The following SLC1A2 variants were observed in gnomAD, a reference collection of about 807,000 sequenced individuals.
SLC1A2 encodes solute carrier family 1 member 2, also known as excitatory amino acid transporter 2.
A neutral mutation model predicts 48.8 loss-of-function variants in SLC1A2; 15 were observed. The observed-to-expected ratio is 0.31, with a 90% CI of 0.21 to 0.47. SLC1A2 has a LOEUF of 0.47. Ranked by LOEUF, SLC1A2 falls within the 20% of genes least tolerant of loss-of-function variation. The pLI is 0.99. For missense variants in SLC1A2, 502 were observed against 730.5 expected (o/e 0.69, Z 3.61); for synonymous variants, 279 against 272.6 (o/e 1.02, Z -0.23).
chr11:35,382,667 G>A (rs1018658823), intron 1 of SLC1A2, among the ~76,000 whole-genome samples: 2 of 152,118 alleles, frequency 1.3e-5, no homozygotes, highest in African/African-American at 2.4e-5. Flanking sequence ...GTGGTGGCAG[G>A]TGCCTGTAGC....
At chr11:35,386,279 T>C (rs1854581341) in intron 1 of SLC1A2, among the ~76,000 whole-genome samples, 1 of 152,226 alleles carries the variant, frequency 6.6e-6, no homozygotes, top group Admixed American at 6.5e-5. Flanking sequence ...GTTTGTTTTT[T>C]CCATGGAATA....
At chr11:35,402,484 C>T (rs548765429) in intron 1 of SLC1A2, among the ~76,000 whole-genome samples, 2 of 152,306 alleles carry the variant, frequency 1.3e-5, no homozygotes, top group East Asian at 3.9e-4. Flanking sequence ...GCATCTCTTT[C>T]ACTTGGCTGT....
intron 5 of SLC1A2, among the ~76,000 whole-genome samples, chr11:35,304,259 TTGAA>T (rs1397758261): frequency 6.6e-6 from 1 of 152,048 alleles, no homozygotes; most frequent in Non-Finnish European, 1.5e-5. Flanking sequence ...AGGAAAGTCT[TTGAA>T]TGATTCACTC....
At position 35,251,718 on chromosome 11, in the gene SLC1A2, A is replaced by G. The variant is rs1950241379; in HGVS notation, c.*9176T>C. 6.6e-6 allele frequency: 1 copy of G among 152,606 alleles called. No homozygotes were observed. Among genetic ancestry groups the G allele is most frequent in the South Asian group, 2.1e-4 (1 of 4,824 alleles). The allele number at this position is 152,606 out of a possible 1,614,324, so 9.5% of individuals were successfully genotyped here. A position where few individuals can be genotyped will look rare whatever the true frequency, so the allele number is the denominator to read the frequency against. ...TCAAGGAAAAATTAGCCTGTCCACC[A>G]TATCTCCTCATATGAAGCAGCCACT... On this transcript the variant is annotated 3_prime_UTR_variant, in exon 11 of 11. Coordinates refer to ENST00000278379, the MANE Select transcript of SLC1A2 (RefSeq NM_004171.4).
chr11:35,359,056 T>C (rs1391404992), intron 1 of SLC1A2, among the ~76,000 whole-genome samples: 4 of 152,222 alleles, frequency 2.6e-5, no homozygotes, highest in African/African-American at 9.6e-5. Flanking sequence ...GCTGACACTT[T>C]TACTTTAGAT....
At chr11:35,344,669 C>T (rs551090796) in intron 1 of SLC1A2, among the ~76,000 whole-genome samples, 1 of 152,200 alleles carries the variant, frequency 6.6e-6, no homozygotes, top group Non-Finnish European at 1.5e-5. Context: ...GTCCTGGCTG[C>T]CATCCCTCAC....
chr11:35,389,440 T>TCTTCTCCTTCTCCTTCTC (rs148540771), intron 1 of SLC1A2, among the ~76,000 whole-genome samples: 5 of 151,218 alleles, frequency 3.3e-5, no homozygotes, highest in African/African-American at 1.2e-4. Context: ...ATTTTCTTCT[T>TCTTCTCCTTCTCCTTCTC]CTTCTCCTTC....
intron 1 of SLC1A2, among the ~76,000 whole-genome samples, chr11:35,410,492 A>G (rs1337987032): frequency 6.6e-6 from 1 of 152,186 alleles, no homozygotes; most frequent in East Asian, 1.9e-4. Flanking sequence ...AACCAGACTC[A>G]TTATTTTATT....
At chr11:35,386,579 C>T (rs11827417) in intron 1 of SLC1A2, among the ~76,000 whole-genome samples, 18,209 of 152,112 alleles carry the variant, frequency 0.12, 1,233 homozygotes, top group Admixed American at 0.17. Context: ...ATTCAAAAAA[C>T]CCATCAGTTT....
At chr11:35,304,313 CT>C (rs1165956318) in intron 5 of SLC1A2, among the ~76,000 whole-genome samples, 4 of 152,066 alleles carry the variant, frequency 2.6e-5, no homozygotes, top group African/African-American at 9.7e-5. Context: ...CAAGCTCCTC[CT>C]GAGTATGGAG....
rs1241386797 is a variant in SLC1A2, at chr11:35,368,482, TATTG to T, written c.17+50464_17+50467del. On this transcript the variant is annotated intron_variant, in intron 1 of 10. Coordinates refer to ENST00000278379, the MANE Select transcript of SLC1A2 (RefSeq NM_004171.4). ...CTCAATCAATTATGGCTGACATTATTATTGATTATCATCAAATCTATATGGTAGG... is the reference window on the plus strand; with the variant it reads ...CTCAATCAATTATGGCTGACATTATTATTATCATCAAATCTATATGGTAGG... Among the ~76,000 whole-genome samples the T allele has an allele frequency of 3.3e-5, 5 of 152,348 alleles. No homozygotes were observed. The South Asian group carries it at 1.0e-3, about 32-fold the overall frequency.
intron 9 of SLC1A2, among the ~76,000 whole-genome samples, chr11:35,266,121 C>T (rs146246003): frequency 2.0e-5 from 3 of 152,278 alleles, no homozygotes; most frequent in Admixed American, 6.5e-5. Flanking sequence ...ACACAGGCTC[C>T]AGACACACCT....
chr11:35,367,368 C>T (rs1698215783), intron 1 of SLC1A2, among the ~76,000 whole-genome samples: 1 of 152,176 alleles, frequency 6.6e-6, no homozygotes, highest in South Asian at 2.1e-4. Flanking sequence ...GCCAGGGTGA[C>T]CTTGGGGGAA....
At chr11:35,287,191 A>G (rs1850847936) in intron 7 of SLC1A2, among the ~76,000 whole-genome samples, 1 of 151,948 alleles carries the variant, frequency 6.6e-6, no homozygotes, top group Non-Finnish European at 1.5e-5. Context: ...GGTTTTGGAG[A>G]TATACTCAGA....
At chr11:35,308,919 C>T (rs1851597010) in intron 4 of SLC1A2, among the ~76,000 whole-genome samples, 1 of 152,192 alleles carries the variant, frequency 6.6e-6, no homozygotes, top group African/African-American at 2.4e-5. Context: ...ATATCCTTAG[C>T]TTCCCCTGGC....
At chr11:35,384,240 C>T (rs185525915) in intron 1 of SLC1A2, among the ~76,000 whole-genome samples, 1 of 152,294 alleles carries the variant, frequency 6.6e-6, no homozygotes, top group East Asian at 1.9e-4. Context: ...GGTGATTCAT[C>T]AACGAAGTCA....
At chr11:35,311,405 CT>C (rs1299975849) in intron 4 of SLC1A2, among the ~76,000 whole-genome samples, 1 of 152,082 alleles carries the variant, frequency 6.6e-6, no homozygotes, top group Non-Finnish European at 1.5e-5. Context: ...AATGATCCCC[CT>C]GCCTCGGCCT....
chr11:35,380,686 C>T (rs754656994), intron 1 of SLC1A2: 10 of 301,696 alleles, frequency 3.3e-5, no homozygotes, highest in East Asian at 5.2e-5. Flanking sequence ...AAAAGGGCTG[C>T]GTGAGTTGCT....
intron 1 of SLC1A2, among the ~76,000 whole-genome samples, chr11:35,377,412 C>T (rs1485094683): frequency 6.6e-6 from 1 of 152,202 alleles, no homozygotes; most frequent in Non-Finnish European, 1.5e-5. Flanking sequence ...CAGATGAATG[C>T]CACAGAGCAT....
Sources: allele counts gnomAD v4.1 joint callset (sites outside exome capture counted in the v4.1 genomes callset), GRCh38; gene constraint gnomAD v4.1.1; transcripts MANE v1.5; gene names NCBI Gene and HGNC (gene_info 2026-07-23, HGNC 2026-07-21).